The following SMIM5 variants were observed in gnomAD, a reference collection of about 807,000 sequenced individuals.
SMIM5 encodes the protein small integral membrane protein 5.
Under a neutral mutation model 4.0 loss-of-function variants are expected in SMIM5, and 4 were observed. The ratio of observed to expected loss-of-function variants is 1.01; its 90% confidence interval spans 0.50 to 2.30. SMIM5 has a LOEUF of 2.30. Ranked by LOEUF, SMIM5 falls within the 30% of genes most tolerant of loss-of-function variation. SMIM5 has a pLI of 0.02. For missense variants in SMIM5, 107 were observed against 99.2 expected, an observed-to-expected ratio of 1.08 and a Z score of -0.34; for synonymous variants, 46 against 43.6, an observed-to-expected ratio of 1.05 and a Z score of -0.22.
Position 75,636,014 on chromosome 17 carries a change from C to A in SMIM5, c.-37+1812C>A, listed in dbSNP as rs2059315126. Among the ~76,000 whole-genome samples the A allele has an allele frequency of 2.0e-5, 3 of 152,222 alleles. No individual in the cohort carries two copies. In the South Asian group the frequency reaches 6.2e-4, roughly 31 times the overall value. On this transcript the variant is annotated intron_variant, in intron 1 of 2. Transcript: ENST00000375215. This position sits in a 1 kb window ranked among gnomAD's most constrained non-coding sequence, Gnocchi z 5.4. ...CTTCCCATCCCTCCGGCTCTGCCAGCCTTCTCTGCCCTGAGTGTTTCCCCT... is the reference window on the plus strand; with the variant it reads ...CTTCCCATCCCTCCGGCTCTGCCAGACTTCTCTGCCCTGAGTGTTTCCCCT...
rs527721770 is a variant in SMIM5, at chr17:75,640,743, C to G, written c.128-48C>G. ...GTTTCTCTGGGAGGAGGGTGGGCAT[C>G]CTTTCTCTCCCCCAACCTGAGTCCC... On this transcript the variant is annotated intron_variant, in intron 2 of 2. Coordinates refer to ENST00000375215, the MANE Select transcript of SMIM5 (RefSeq NM_001162995.3). The surrounding 1 kb of genome is among the most constrained non-coding windows in gnomAD (Gnocchi z 4.6). 2.6e-6 allele frequency: 4 copies of G among 1,530,552 alleles called. No individual in the cohort carries two copies. In the African/African-American group the frequency reaches 5.5e-5, roughly 21 times the overall value. 94.8% of individuals were successfully genotyped at this position (1,530,552 alleles called of 1,614,324 possible).
chr17:75,635,663 C>T, intron 1 of SMIM5: 1 of 454,792 alleles, frequency 2.2e-6, no homozygotes, highest in Non-Finnish European at 2.9e-6. Flanking sequence ...CTGCAAATCT[C>T]CCACAAGTGT....
chr17:75,638,563 A>C (rs2059371180), intron 1 of SMIM5: 1 of 152,118 alleles, frequency 6.6e-6, no homozygotes, highest in Admixed American at 6.5e-5. Flanking sequence ...CACCGCAGAC[A>C]CCCTAGGACA....
In SMIM5 at chr17:75,634,017, G is replaced by T; in HGVS notation, c.-222G>T. On this transcript the variant is annotated 5_prime_UTR_variant, in exon 1 of 3. Coordinates refer to ENST00000375215, the MANE Select transcript of SMIM5 (RefSeq NM_001162995.3). ...GGGCTCCCCCTCGCGACGGTAATTT[G>T]ACACTTGGATCTCCAGGACGACCAA... 1 of 985,580 alleles carries T rather than the reference G, an allele frequency of 1.0e-6. No individual in the cohort carries two copies. The highest frequency in any genetic ancestry group is 1.2e-6 in the Non-Finnish European group (1 of 830,030). 61.1% of individuals were successfully genotyped at this position (985,580 alleles called of 1,614,324 possible).
rs1312740054 is a variant in SMIM5, at chr17:75,640,186, A to G, written c.-16A>G. The G allele has an allele frequency of 1.9e-6, 3 of 1,539,932 alleles. No homozygotes were observed. The highest frequency in any genetic ancestry group is 1.8e-6 in the Non-Finnish European group (2 of 1,142,608). The stretch of plus-strand genomic sequence containing the variant: ...AGCAGAGCCCGGCAGGAGCCCCAAC[A>G]GGAAGCCAGCGCGGCATGGCTGCCA... On this transcript the variant is annotated 5_prime_UTR_variant, in exon 2 of 3. Coordinates refer to ENST00000375215, the MANE Select transcript of SMIM5 (RefSeq NM_001162995.3). The surrounding 1 kb of genome is among the most constrained non-coding windows in gnomAD (Gnocchi z 4.6).
rs904274073 is a variant in SMIM5 at position 75,633,521 on chromosome 17, C to A, written c.-718C>A. 1.2e-5 allele frequency: 15 copies of A among 1,287,656 alleles called. No individual in the cohort carries two copies. The African/African-American group carries it at 2.1e-4, about 18-fold the overall frequency. 79.8% of individuals were successfully genotyped at this position (1,287,656 alleles called of 1,614,324 possible). On this transcript the variant is annotated 5_prime_UTR_variant, in exon 1 of 3. Coordinates refer to ENST00000375215, the MANE Select transcript of SMIM5 (RefSeq NM_001162995.3). Reference sequence around the variant, plus strand: ...GCCACTCCCAGGTCACTCAGGATTCCAAGTTCTCCCCCAAGACGCCTTCAG... The same window carrying A: ...GCCACTCCCAGGTCACTCAGGATTCAAAGTTCTCCCCCAAGACGCCTTCAG...
chr17:75,634,325 C>T lies in SMIM5; in HGVS notation c.-37+123C>T, dbSNP rs528935623. On this transcript the variant is annotated intron_variant, in intron 1 of 2. Transcript: ENST00000375215. Reference sequence around the variant, plus strand: ...AGAGGTCTTCGGGGACATGCTGGGTCGCTTCCCTGCAGGGAAGTCAGCCAG... The same window carrying T: ...AGAGGTCTTCGGGGACATGCTGGGTTGCTTCCCTGCAGGGAAGTCAGCCAG... The T allele has an allele frequency of 6.9e-4, 634 of 919,546 alleles. 1 individual carries two copies. Among genetic ancestry groups the T allele is most frequent in the South Asian group, 3.8e-3 (76 of 19,982 alleles). The allele number at this position is 919,546 out of a possible 1,614,324, so 57.0% of individuals were successfully genotyped here.
chr17:75,636,333 G>A lies in SMIM5; in HGVS notation c.-37+2131G>A, dbSNP rs1389762860. ...ACTGGTTGCCCTGGTTCGCAGGTGGGAAGTGTGGTTTTGGAAGGAGTTGGG... is the reference window on the plus strand; with the variant it reads ...ACTGGTTGCCCTGGTTCGCAGGTGGAAAGTGTGGTTTTGGAAGGAGTTGGG... On this transcript the variant is annotated intron_variant, in intron 1 of 2. Transcript: ENST00000375215. This position sits in a 1 kb window ranked among gnomAD's most constrained non-coding sequence, Gnocchi z 5.4. 6.6e-6 allele frequency among the ~76,000 whole-genome samples: 1 copy of A among 152,214 alleles called. No homozygotes were observed. The highest frequency in any genetic ancestry group is 2.4e-5 in the African/African-American group (1 of 41,450).
chr17:75,640,899 G>T lies in SMIM5; in HGVS notation c.*2G>T. The T allele has an allele frequency of 1.3e-6, 2 of 1,543,228 alleles. No individual in the cohort carries two copies. The highest frequency in any genetic ancestry group is 1.7e-6 in the Non-Finnish European group (2 of 1,146,688). Reference sequence around the variant, plus strand: ...CAGGTGCAGCCGACACCACCATGACGGACGGGCGATGGCTGAGGAGAAGCT... The same window carrying T: ...CAGGTGCAGCCGACACCACCATGACTGACGGGCGATGGCTGAGGAGAAGCT... On this transcript the variant is annotated 3_prime_UTR_variant, in exon 3 of 3. Transcript: ENST00000375215. This position sits in a 1 kb window ranked among gnomAD's most constrained non-coding sequence, Gnocchi z 4.6.
In SMIM5 at chr17:75,633,489, C is replaced by T. The variant is rs766955854; in HGVS notation, c.-750C>T. 112 of 1,288,916 alleles carry T rather than the reference C, an allele frequency of 8.7e-5. No individual in the cohort carries two copies. The highest frequency in any genetic ancestry group is 1.0e-4 in the Non-Finnish European group (103 of 988,608). 79.8% of individuals were successfully genotyped at this position (1,288,916 alleles called of 1,614,324 possible). On this transcript the variant is annotated 5_prime_UTR_variant, in exon 1 of 3. Coordinates refer to ENST00000375215, the MANE Select transcript of SMIM5 (RefSeq NM_001162995.3). ...AAGGAACATGAGGCGCCTTGCCGGG[C>T]GCGCAGGCCACTCCCAGGTCACTCA...
chr17:75,639,623 G>C (rs549719422), intron 1 of SMIM5: 1 of 152,688 alleles, frequency 6.5e-6, no homozygotes, highest in Admixed American at 6.5e-5. Context: ...CCCTCTGGCA[G>C]AACAGGCATG....
rs751165792 is a variant in SMIM5 at position 75,641,323 on chromosome 17, C to T, written c.*426C>T. ...GGCTTTGTGCAATAGCTTCTGCATC[C>T]GAGCTCCCGCCAGAGCGTGAGCATG... is the stretch of plus-strand genomic sequence containing the variant. On this transcript the variant is annotated 3_prime_UTR_variant, in exon 3 of 3. Coordinates refer to ENST00000375215, the MANE Select transcript of SMIM5 (RefSeq NM_001162995.3). 6.6e-5 allele frequency: 11 copies of T among 166,484 alleles called. 1 individual carries two copies. Among genetic ancestry groups the T allele is most frequent in the Admixed American group, 1.7e-4 (3 of 17,282 alleles). 10.3% of individuals were successfully genotyped at this position (166,484 alleles called of 1,614,324 possible).
rs952987214 is a variant in SMIM5, at chr17:75,640,489, T to C, written c.127+161T>C. Among the ~76,000 whole-genome samples the C allele has an allele frequency of 7.2e-5, 11 of 152,102 alleles. No individual in the cohort carries two copies. Among genetic ancestry groups the C allele is most frequent in the Admixed American group, 7.2e-4 (11 of 15,280 alleles). On this transcript the variant is annotated intron_variant, in intron 2 of 2. Transcript: ENST00000375215. The surrounding 1 kb of genome is among the most constrained non-coding windows in gnomAD (Gnocchi z 4.6). Reference sequence around the variant, plus strand: ...AAGCCAAGGGACTTCCCTCATCCTCTGATATGCTGCTTGGGTGATGGGCGG... The same window carrying C: ...AAGCCAAGGGACTTCCCTCATCCTCCGATATGCTGCTTGGGTGATGGGCGG...
rs949856015 is a variant in SMIM5, at chr17:75,640,104, C to T, written c.-36-62C>T. ...GCGGATGGGTGCGAGGGTGGAATCT[C>T]GGTGCTGCGACGAGTGTGGGGCCAG... On this transcript the variant is annotated intron_variant, in intron 1 of 2. Coordinates refer to ENST00000375215, the MANE Select transcript of SMIM5 (RefSeq NM_001162995.3). This position sits in a 1 kb window ranked among gnomAD's most constrained non-coding sequence, Gnocchi z 4.6. The T allele has an allele frequency of 1.2e-5, 17 of 1,426,484 alleles. No homozygotes were observed. Among genetic ancestry groups the T allele is most frequent in the Admixed American group, 5.5e-5 (2 of 36,494 alleles). The allele number at this position is 1,426,484 out of a possible 1,614,324, so 88.4% of individuals were successfully genotyped here.
At position 75,641,088 on chromosome 17, in the gene SMIM5, C is replaced by A; in HGVS notation, c.*191C>A. The A allele has an allele frequency of 9.8e-7, 1 of 1,023,774 alleles. No individual in the cohort carries two copies. Among genetic ancestry groups the A allele is most frequent in the Non-Finnish European group, 1.4e-6 (1 of 730,666 alleles). 63.4% of individuals were successfully genotyped at this position (1,023,774 alleles called of 1,614,324 possible). A position where few individuals can be genotyped will look rare whatever the true frequency, so the allele number is the denominator to read the frequency against. ...AAACAAGGGCTGGTATAGGTGCAAACCTCTCATCTGCCAGTGGACACTGGG... is the reference window on the plus strand; with the variant it reads ...AAACAAGGGCTGGTATAGGTGCAAAACTCTCATCTGCCAGTGGACACTGGG... On this transcript the variant is annotated 3_prime_UTR_variant, in exon 3 of 3. Coordinates refer to ENST00000375215, the MANE Select transcript of SMIM5 (RefSeq NM_001162995.3).
chr17:75,635,829 G>T, intron 1 of SMIM5: 2 of 985,440 alleles, frequency 2.0e-6, no homozygotes, highest in Non-Finnish European at 2.4e-6. Context: ...CAAACACGCC[G>T]CCTGCTGCCA....
At chr17:75,634,962 C>T (rs1356483029) in intron 1 of SMIM5, among the ~76,000 whole-genome samples, 1 of 152,138 alleles carries the variant, frequency 6.6e-6, no homozygotes, top group Non-Finnish European at 1.5e-5. Flanking sequence ...AAGCAGGACC[C>T]GGCTGTTTGG....
chr17:75,635,917 C>T (rs1342742223), intron 1 of SMIM5: 2 of 961,228 alleles, frequency 2.1e-6, no homozygotes, highest in Admixed American at 1.2e-4. Flanking sequence ...GACCAAGTGG[C>T]AGCTGTCTGG....
Position 75,633,795 on chromosome 17 carries a change from C to T in SMIM5, c.-444C>T. The stretch of plus-strand genomic sequence containing the variant: ...GGAGCCTCCCCAGGGTCCTCCTGGC[C>T]AGGAAGGCAGAGAGCCGACTTCTTT... On this transcript the variant is annotated 5_prime_UTR_variant, in exon 1 of 3. The change creates a premature stop within an existing upstream ORF in the 5' untranslated region. Coordinates refer to ENST00000375215, the MANE Select transcript of SMIM5 (RefSeq NM_001162995.3). The T allele has an allele frequency of 9.9e-7, 1 of 1,009,028 alleles. No individual in the cohort carries two copies. Among genetic ancestry groups the T allele is most frequent in the Non-Finnish European group, 1.2e-6 (1 of 842,534 alleles). The allele number at this position is 1,009,028 out of a possible 1,614,324, so 62.5% of individuals were successfully genotyped here. A position where few individuals can be genotyped will look rare whatever the true frequency, so the allele number is the denominator to read the frequency against.
Sources: gnomAD v4.1 joint callset for allele counts (sites outside exome capture counted in the v4.1 genomes callset) on GRCh38, gnomAD v4.1.1 for gene constraint, Gnocchi (gnomAD v3.1) non-coding constraint, MANE v1.5 for transcripts, NCBI Gene and HGNC (gene_info 2026-07-23, HGNC 2026-07-21) for gene names.